Variants in DNM3 observed in about 807,000 individuals in gnomAD.
The protein encoded by DNM3 is dynamin 3, also known as dynamin-3.
Under a neutral mutation model 101.6 loss-of-function variants are expected in DNM3, and 47 were observed. The observed-to-expected ratio is 0.46, with a 90% CI of 0.37 to 0.59. The LOEUF (loss-of-function observed/expected upper bound fraction) is 0.59. Among genes scored for constraint, DNM3 ranks in the 20% least tolerant of loss-of-function variants. DNM3 has a pLI of 0.00. For missense variants in DNM3, 849 were observed against 1,085.7 expected (o/e 0.78, Z 3.06); for synonymous variants, 385 against 387.9 (o/e 0.99, Z 0.09).
chr1:171,891,151 A>G (rs2037234905), intron 1 of DNM3, among the ~76,000 whole-genome samples: 1 of 152,202 alleles, frequency 6.6e-6, no homozygotes. Context: ...TGCAATGACC[A>G]ATACAGTCTC....
At chr1:171,864,600 A>G (rs1391187270) in intron 1 of DNM3, 1 of 152,266 alleles carries the variant, frequency 6.6e-6, no homozygotes, top group Non-Finnish European at 1.5e-5. Flanking sequence ...GGGCTTTCCT[A>G]TTAGGCAGGA....
intron 14 of DNM3, among the ~76,000 whole-genome samples, chr1:172,145,826 T>A (rs2057864165): frequency 6.6e-6 from 1 of 152,220 alleles, no homozygotes; most frequent in Non-Finnish European, 1.5e-5. Context: ...GGCTTAGTTT[T>A]ATCTCTGGTT....
intron 10 of DNM3, among the ~76,000 whole-genome samples, chr1:172,064,084 G>A (rs1397862626): frequency 1.3e-5 from 2 of 152,102 alleles, no homozygotes; most frequent in Admixed American, 6.5e-5. Flanking sequence ...TGTAGCAGTT[G>A]CACCATGAAT....
chr1:171,908,755 A>G (rs2039039926), intron 1 of DNM3, among the ~76,000 whole-genome samples: 1 of 152,202 alleles, frequency 6.6e-6, no homozygotes, highest in Non-Finnish European at 1.5e-5. Context: ...AGATACCTCT[A>G]TAATATTCTC....
chr1:171,989,200 G>T, intron 4 of DNM3, 52 bp downstream of exon 4: 2 of 1,538,684 alleles, frequency 1.3e-6, no homozygotes, highest in South Asian at 1.2e-5. Context: ...AGGAGTTTTG[G>T]TATCTTTAAA....
rs143019649 is a variant in DNM3, at chr1:171,896,734, G to C, written c.162-25014G>C. Among the ~76,000 whole-genome samples, 949 of 152,096 alleles carry C rather than the reference G, an allele frequency of 6.2e-3. 7 individuals are homozygous for C. The highest frequency in any genetic ancestry group is 0.022 in the African/African-American group (895 of 41,500). On this transcript the variant is annotated intron_variant, in intron 1 of 20. Transcript: ENST00000627582. ...GTAAATAAACTATGACAAAACACTT[G>C]CAATTTTTTTCTGATAAAATAGTCA...
intron 4 of DNM3, among the ~76,000 whole-genome samples, chr1:172,026,423 C>T (rs1285921156): frequency 6.6e-6 from 1 of 152,122 alleles, no homozygotes; most frequent in Non-Finnish European, 1.5e-5. Context: ...CCTAGCAAGA[C>T]AGGCCAACAG....
At chr1:171,978,116 G>A (rs1464362879) in intron 2 of DNM3, among the ~76,000 whole-genome samples, 1 of 152,020 alleles carries the variant, frequency 6.6e-6, no homozygotes, top group African/African-American at 2.4e-5. Flanking sequence ...AACTGGTTTA[G>A]TTACTGGAAA....
chr1:172,242,572 A>G (rs1484190027), intron 14 of DNM3, among the ~76,000 whole-genome samples: 2 of 152,094 alleles, frequency 1.3e-5, no homozygotes, highest in African/African-American at 2.4e-5. Flanking sequence ...CCTCCTGAGT[A>G]TCTGGAATCA....
At chr1:172,254,515 A>C (rs1375060549) in intron 15 of DNM3, among the ~76,000 whole-genome samples, 2 of 152,180 alleles carry the variant, frequency 1.3e-5, no homozygotes, top group Non-Finnish European at 1.5e-5. Flanking sequence ...TTGAGATCAA[A>C]AGGATACAGT....
chr1:172,347,120 T>C (rs2066978687), intron 17 of DNM3, among the ~76,000 whole-genome samples: 1 of 152,082 alleles, frequency 6.6e-6, no homozygotes, highest in African/African-American at 2.4e-5. Context: ...TACATGTGTG[T>C]TTGAGCATCT....
chr1:172,082,127 T>C (rs555516849), intron 12 of DNM3, among the ~76,000 whole-genome samples: 4 of 152,372 alleles, frequency 2.6e-5, no homozygotes, highest in South Asian at 2.1e-4. Context: ...TATGAAGTCA[T>C]GTATGTCTTA....
intron 14 of DNM3, among the ~76,000 whole-genome samples, chr1:172,251,723 G>A (rs1260449516): frequency 6.6e-6 from 1 of 152,080 alleles, no homozygotes; most frequent in Non-Finnish European, 1.5e-5. Flanking sequence ...TCTTTACAAT[G>A]AAATTCAGAT....
chr1:172,020,721 C>CAAAAA (rs3051630), intron 4 of DNM3, among the ~76,000 whole-genome samples: 9,453 of 65,966 alleles, frequency 0.14, 1,153 homozygotes, highest in East Asian at 0.3. Flanking sequence ...GAGACTCCGT[C>CAAAAA]AAAAAAAAAA....
At chr1:171,974,437 T>A (rs1285814716) in intron 2 of DNM3, among the ~76,000 whole-genome samples, 1 of 152,226 alleles carries the variant, frequency 6.6e-6, no homozygotes, top group Non-Finnish European at 1.5e-5. Flanking sequence ...AAGTCCCTTT[T>A]GAGGGGCTCT....
intron 18 of DNM3, among the ~76,000 whole-genome samples, chr1:172,384,806 C>G (rs1354488400): frequency 3.3e-5 from 5 of 152,154 alleles, no homozygotes; most frequent in Non-Finnish European, 2.9e-5. Flanking sequence ...TTAACCCAAC[C>G]AATGGTCAAT....
intron 13 of DNM3, among the ~76,000 whole-genome samples, chr1:172,125,334 C>T (rs2056563684): frequency 6.6e-6 from 1 of 152,154 alleles, no homozygotes; most frequent in African/African-American, 2.4e-5. Flanking sequence ...AGAAGTCTTC[C>T]ACATGTACTT....
At chr1:171,893,269 T>C (rs1220902446) in intron 1 of DNM3, among the ~76,000 whole-genome samples, 1 of 152,204 alleles carries the variant, frequency 6.6e-6, no homozygotes, top group African/African-American at 2.4e-5. Context: ...CTGTAAAGTT[T>C]CATAGGTTTT....
chr1:172,186,693 T>C (rs1239042986), intron 14 of DNM3, among the ~76,000 whole-genome samples: 2 of 152,084 alleles, frequency 1.3e-5, no homozygotes, highest in East Asian at 1.9e-4. Context: ...TCAGAATCAA[T>C]TGGTGATAGA....
Sources: gnomAD v4.1 joint callset for allele counts (sites outside exome capture counted in the v4.1 genomes callset) on GRCh38, gnomAD v4.1.1 for gene constraint, MANE v1.5 for transcripts, NCBI Gene and HGNC (gene_info 2026-07-23, HGNC 2026-07-21) for gene names.